The following PHF21A variants were observed in gnomAD, a reference collection of about 807,000 sequenced individuals.
The protein encoded by PHF21A is PHD finger protein 21A.
PHF21A carries 11 observed loss-of-function variants against 82.5 expected under a neutral mutation model. That is an observed-to-expected ratio of 0.13 (90% CI 0.08 to 0.22). The LOEUF (loss-of-function observed/expected upper bound fraction) is 0.22, where lower values mean the gene tolerates loss of function less well. PHF21A is among the 10% of genes least tolerant of loss of function. PHF21A has a pLI of 1.00. For missense variants in PHF21A, 579 were observed against 837.8 expected, an observed-to-expected ratio of 0.69 and a Z score of 3.81; for synonymous variants, 297 against 302.8, an observed-to-expected ratio of 0.98 and a Z score of 0.20.
rs531011670 is a variant in PHF21A, at chr11:46,079,545, G to A, written c.55-379C>T. On this transcript the variant is annotated intron_variant, in intron 4 of 18. Coordinates refer to ENST00000676320, the MANE Select transcript of PHF21A (RefSeq NM_001352027.3). ...AAAGAAGCTGGCCCCACACAAAACC[G>A]GCCTGTTCATACACAGAGCAAAGTA... 4.6e-4 allele frequency among the ~76,000 whole-genome samples: 70 copies of A among 152,218 alleles called. 2 individuals carry two copies. The highest frequency in any genetic ancestry group is 3.5e-3 in the Admixed American group (54 of 15,274).
intron 6 of PHF21A, among the ~76,000 whole-genome samples, chr11:45,993,620 CTGAA>C (rs2094794681): frequency 6.6e-6 from 1 of 151,668 alleles, no homozygotes; most frequent in South Asian, 2.1e-4. Context: ...AGCAGACTGA[CTGAA>C]TGCAGAGTAC....
In PHF21A at chr11:45,944,496, T is replaced by C. The variant is rs753047910; in HGVS notation, c.1452+1344A>G. 1.2e-3 allele frequency among the ~76,000 whole-genome samples: 189 copies of C among 152,300 alleles called. 4 individuals carry two copies. Among genetic ancestry groups the C allele is most frequent in the Non-Finnish European group, 6.0e-4 (41 of 68,022 alleles). ...CCAAAACCCTGTAATGGTCTCCCATTTTACTGAGAACGAAAGCCACAAAGC... is the reference window on the plus strand; with the variant it reads ...CCAAAACCCTGTAATGGTCTCCCATCTTACTGAGAACGAAAGCCACAAAGC... On this transcript the variant is annotated intron_variant, in intron 15 of 18. Coordinates refer to ENST00000676320, the MANE Select transcript of PHF21A (RefSeq NM_001352027.3).
In PHF21A at chr11:45,979,991, T is replaced by G. The variant is rs1251936958; in HGVS notation, c.154-25A>C. 3.1e-6 allele frequency: 5 copies of G among 1,613,664 alleles called. No homozygotes were observed. In the Admixed American group the frequency reaches 5.0e-5, roughly 16 times the overall value. ...TCTACCAAATGAAGACAAAAAGAAATAAAAGATATTAGAATACTGCTCTAT... is the reference window on the plus strand; with the variant it reads ...TCTACCAAATGAAGACAAAAAGAAAGAAAAGATATTAGAATACTGCTCTAT... On this transcript the variant is annotated intron_variant, in intron 6 of 18. Transcript: ENST00000676320.
chr11:46,014,272 T>C (rs2095470814), intron 6 of PHF21A, among the ~76,000 whole-genome samples: 1 of 152,248 alleles, frequency 6.6e-6, no homozygotes, highest in Non-Finnish European at 1.5e-5. Flanking sequence ...ATATTCAGTT[T>C]TCTGTTTCTG....
intron 6 of PHF21A, among the ~76,000 whole-genome samples, chr11:45,986,585 A>G (rs1441415195): frequency 1.3e-5 from 2 of 152,216 alleles, no homozygotes; most frequent in Admixed American, 6.5e-5. Flanking sequence ...TAAAAGACCT[A>G]AAAGTCCAGA....
At chr11:45,938,810 T>G (rs2089722950) in intron 15 of PHF21A, among the ~76,000 whole-genome samples, 5 of 152,000 alleles carry the variant, frequency 3.3e-5, no homozygotes, top group Admixed American at 3.3e-4. Context: ...GAAGTGAAAC[T>G]TCAGATAAGG....
chr11:46,099,559 C>CCCTAA (rs1283730805), intron 1 of PHF21A, among the ~76,000 whole-genome samples: 1 of 151,306 alleles, frequency 6.6e-6, no homozygotes, highest in Non-Finnish European at 1.5e-5. Context: ...CACACACACA[C>CCCTAA]ACACCCTAAA....
At chr11:46,087,192 G>A (rs1258478096) in intron 3 of PHF21A, among the ~76,000 whole-genome samples, 1 of 152,130 alleles carries the variant, frequency 6.6e-6, no homozygotes, top group Non-Finnish European at 1.5e-5. Context: ...TTTTAAACAA[G>A]AAGACATTAA....
At chr11:45,934,288 C>T (rs2088235585) in intron 18 of PHF21A, 63 bp from the exon 19 acceptor site, 2 of 1,529,146 alleles carry the variant, frequency 1.3e-6, no homozygotes, top group Non-Finnish European at 1.8e-6. Flanking sequence ...CTGGCAGCCC[C>T]TAAGAGCAGA....
chr11:46,105,913 T>C (rs2097147612), intron 1 of PHF21A, among the ~76,000 whole-genome samples: 1 of 152,254 alleles, frequency 6.6e-6, no homozygotes, highest in Non-Finnish European at 1.5e-5. Context: ...TTGGGCTTTT[T>C]ATACTAATAT....
In PHF21A at chr11:46,092,213, T is replaced by A. The variant is rs2096933726; in HGVS notation, c.-226A>T. ...TTGGGGAAACTGGCTCTCCTTCAGCTCTCTAGCCCCCTATAACAGAAGAAC... is the reference window on the plus strand; with the variant it reads ...TTGGGGAAACTGGCTCTCCTTCAGCACTCTAGCCCCCTATAACAGAAGAAC... On this transcript the variant is annotated 5_prime_UTR_variant, in exon 2 of 19. Coordinates refer to ENST00000676320, the MANE Select transcript of PHF21A (RefSeq NM_001352027.3). 1 of 152,010 alleles carries A rather than the reference T, an allele frequency of 6.6e-6. No individual in the cohort carries two copies. Among genetic ancestry groups the A allele is most frequent in the Admixed American group, 6.6e-5 (1 of 15,252 alleles). The allele number at this position is 152,010 out of a possible 1,614,324, so 9.4% of individuals were successfully genotyped here.
chr11:46,088,952 T>C (rs542905840), intron 3 of PHF21A, among the ~76,000 whole-genome samples: 3 of 152,266 alleles, frequency 2.0e-5, no homozygotes, highest in South Asian at 4.1e-4. Context: ...CTAAGAAATA[T>C]TTTGCTGTTA....
At chr11:46,039,415 T>C (rs766951685) in intron 6 of PHF21A, among the ~76,000 whole-genome samples, 4 of 152,158 alleles carry the variant, frequency 2.6e-5, no homozygotes, top group Admixed American at 6.5e-5. Context: ...GTCCAAGTCT[T>C]TGTCCCAGGC....
intron 6 of PHF21A, among the ~76,000 whole-genome samples, chr11:46,016,099 A>G (rs1335821593): frequency 6.6e-6 from 1 of 152,228 alleles, no homozygotes; most frequent in African/African-American, 2.4e-5. Flanking sequence ...CACCACAAAC[A>G]TGAGTAATGT....
At chr11:46,108,420 C>T (rs1055958832) in intron 1 of PHF21A, among the ~76,000 whole-genome samples, 1 of 151,912 alleles carries the variant, frequency 6.6e-6, no homozygotes, top group Non-Finnish European at 1.5e-5. Context: ...ATAAATCTTA[C>T]CCACCTCTCT....
chr11:45,993,363 A>G (rs1208604231), intron 6 of PHF21A, among the ~76,000 whole-genome samples: 2 of 152,044 alleles, frequency 1.3e-5, no homozygotes, highest in Admixed American at 1.3e-4. Flanking sequence ...ATCAAATAAG[A>G]CTCTCAGAAC....
At chr11:46,066,019 C>T (rs2096590005) in intron 6 of PHF21A, among the ~76,000 whole-genome samples, 1 of 152,188 alleles carries the variant, frequency 6.6e-6, no homozygotes, top group Non-Finnish European at 1.5e-5. Context: ...CAAAAGACAG[C>T]TTCCTGTGAA....
chr11:45,995,700 G>C (rs1204402608), intron 6 of PHF21A, among the ~76,000 whole-genome samples: 1 of 152,158 alleles, frequency 6.6e-6, no homozygotes, highest in Non-Finnish European at 1.5e-5. Context: ...ACAAAAGGAA[G>C]ACTTTAATAC....
At chr11:46,086,615 GTTC>G (rs542839763) in intron 3 of PHF21A, among the ~76,000 whole-genome samples, 59 of 152,274 alleles carry the variant, frequency 3.9e-4, no homozygotes, top group Admixed American at 1.9e-3. Context: ...ATGTATTACA[GTTC>G]TTCTTGAAAA....
Sources: gnomAD v4.1 joint callset for allele counts (sites outside exome capture counted in the v4.1 genomes callset) on GRCh38, gnomAD v4.1.1 for gene constraint, MANE v1.5 for transcripts, NCBI Gene and HGNC (gene_info 2026-07-23, HGNC 2026-07-21) for gene names.